Variants in FGD1 observed in about 807,000 individuals in gnomAD.
FGD1 encodes the protein FYVE, RhoGEF and PH domain-containing protein 1.
A neutral mutation model predicts 65.0 loss-of-function variants in FGD1; 12 were observed. The ratio of observed to expected loss-of-function variants is 0.18; its 90% confidence interval spans 0.12 to 0.30. FGD1 has a LOEUF of 0.30. Among genes scored for constraint, FGD1 ranks in the 10% least tolerant of loss-of-function variants. The probability of loss-of-function intolerance (pLI) is 1.00; values close to 1 mark genes in which losing one functional copy is unlikely to be tolerated. For missense variants in FGD1, 542 were observed against 837.6 expected, an observed-to-expected ratio of 0.65 and a Z score of 4.36; for synonymous variants, 333 against 343.9, an observed-to-expected ratio of 0.97 and a Z score of 0.35.
chrX:54,456,382 G>A lies in FGD1; in HGVS notation c.1696-16C>T. 2 of 1,211,702 alleles carry A rather than the reference G, an allele frequency of 1.7e-6. No individual in the cohort carries two copies. Among genetic ancestry groups the A allele is most frequent in the South Asian group, 3.5e-5 (2 of 56,983 alleles). ...GCATTCGCTCCTGGCAAAAGACAGG[G>A]AACAAAAGGCACGGTTGGGGTGCCA... On this transcript the variant is annotated splice_polypyrimidine_tract_variant and intron_variant, in intron 9 of 17. Coordinates refer to ENST00000375135, the MANE Select transcript of FGD1 (RefSeq NM_004463.3).
intron 8 of FGD1, among the ~76,000 whole-genome samples, chrX:54,456,863 C>G (rs763172653): frequency 3.6e-5 from 4 of 110,561 alleles, no homozygotes; most frequent in Non-Finnish European, 7.6e-5. Context: ...GAACTCCTGA[C>G]CTTGTGAACC....
chrX:54,449,108 C>T (rs1488834905), intron 15 of FGD1, 35 bp downstream of exon 15: 1 of 1,211,878 alleles, frequency 8.3e-7, no homozygotes, highest in Non-Finnish European at 1.1e-6. Context: ...CATTCTGTCC[C>T]CTCCCTAGCT....
chrX:54,470,730 G>A lies in FGD1; in HGVS notation c.512C>T (p.Pro171Leu). The A allele has an allele frequency of 1.4e-5, 15 of 1,094,522 alleles. No individual in the cohort carries two copies. Among genetic ancestry groups the A allele is most frequent in the Non-Finnish European group, 1.9e-5 (15 of 808,363 alleles). The allele number at this position is 1,094,522 out of a possible 1,213,427, so 90.2% of individuals were successfully genotyped here. Residue 171 changes from proline to leucine, a missense_variant, in exon 3 of 18, where the codon CCC (proline) becomes CTC (leucine). By Grantham distance (98) the Pro-to-Leu change is moderately conservative (BLOSUM62 -3). Coordinates refer to ENST00000375135, the MANE Select transcript of FGD1 (RefSeq NM_004463.3). ...GGGCTCCAGTGGGGGGGGCATCCGGGGCATCTGCAGGTAGCTGGGCTTTGG... is the reference window on the plus strand; with the variant it reads ...GGGCTCCAGTGGGGGGGGCATCCGGAGCATCTGCAGGTAGCTGGGCTTTGG... ...VPPKPSYLQM[P>L]RMPPPLEPIP...
chrX:54,486,253 ATTT>A lies in FGD1; in HGVS notation c.307+8870_307+8872del, dbSNP rs35938329. ...GGGCATGTGCCACCATACCTGGATGATTTTTTTTTTCTTAGAGACGGAGTCTCG... is the reference window on the plus strand; with the variant it reads ...GGGCATGTGCCACCATACCTGGATGATTTTTTTCTTAGAGACGGAGTCTCG... On this transcript the variant is annotated intron_variant, in intron 1 of 17. Transcript: ENST00000375135. Among the ~76,000 whole-genome samples the A allele has an allele frequency of 3.2e-5, 3 of 94,704 alleles. No individual in the cohort carries two copies. The East Asian group carries it at 1.0e-3, about 32-fold the overall frequency. 82.2% of individuals were successfully genotyped at this position (94,704 alleles called of 115,157 possible). A position where few individuals can be genotyped will look rare whatever the true frequency, so the allele number is the denominator to read the frequency against.
intron 1 of FGD1, among the ~76,000 whole-genome samples, chrX:54,477,355 G>A (rs185759289): frequency 2.3e-3 from 259 of 112,151 alleles, no homozygotes; most frequent in African/African-American, 7.7e-3. Context: ...GGCAACGAGG[G>A]CGAGCCTGTG....
rs529822771 is a variant in FGD1 at position 54,492,615 on chromosome X, A to C, written c.307+2511T>G. Reference sequence around the variant, plus strand: ...CTCACAACCCATGCTGCAGTGAATCACATGGCCCGGCGCCCGCCTAGTCAG... The same window carrying C: ...CTCACAACCCATGCTGCAGTGAATCCCATGGCCCGGCGCCCGCCTAGTCAG... On this transcript the variant is annotated intron_variant, in intron 1 of 17. Coordinates refer to ENST00000375135, the MANE Select transcript of FGD1 (RefSeq NM_004463.3). 1.8e-3 allele frequency among the ~76,000 whole-genome samples: 202 copies of C among 112,412 alleles called. 1 individual carries two copies. The Middle Eastern group carries it at 0.023, about 13-fold the overall frequency.
Position 54,474,070 on chromosome X carries a change from G to A in FGD1, c.308-2583C>T, listed in dbSNP as rs528650702. ...TTATATAAGGGACTTGAGTGTTGGC[G>A]ACTTTGGTATCTTCAGGCTGTCCTG... On this transcript the variant is annotated intron_variant, in intron 1 of 17. Transcript: ENST00000375135. Among the ~76,000 whole-genome samples, 135 of 111,061 alleles carry A rather than the reference G, an allele frequency of 1.2e-3. 1 individual carries two copies. The highest frequency in any genetic ancestry group is 3.8e-4 in the Non-Finnish European group (20 of 53,051).
chrX:54,471,630 G>A, intron 1 of FGD1, 143 bp from the exon 2 acceptor site: 2 of 577,241 alleles, frequency 3.5e-6, no homozygotes, highest in Non-Finnish European at 5.4e-6. Context: ...GTGTTTTTCT[G>A]GGAAGCCCCT....
intron 12 of FGD1, among the ~76,000 whole-genome samples, chrX:54,451,746 G>A (rs1047688602): frequency 9.3e-6 from 1 of 107,148 alleles, no homozygotes; most frequent in Non-Finnish European, 1.9e-5. Context: ...AAAATTGGCC[G>A]GGCGTGGTGG....
In FGD1 at chrX:54,466,593, C is replaced by T. The variant is rs145765510; in HGVS notation, c.1341-741G>A. On this transcript the variant is annotated intron_variant, in intron 6 of 17. Transcript: ENST00000375135. The stretch of plus-strand genomic sequence containing the variant: ...ACCTCAGGACTCAGCTTAGGCATCA[C>T]CTTCTCCCTGAATCCTTCTGTAATC... Among the ~76,000 whole-genome samples the T allele has an allele frequency of 6.8e-3, 763 of 111,548 alleles. 5 individuals are homozygous for T. The highest frequency in any genetic ancestry group is 0.024 in the African/African-American group (727 of 30,735).
chrX:54,476,591 A>T (rs1193915526), intron 1 of FGD1, among the ~76,000 whole-genome samples: 1 of 108,162 alleles, frequency 9.2e-6, no homozygotes, highest in Non-Finnish European at 1.9e-5. Context: ...GCTTCAAGAG[A>T]TCCTCCTGCC....
intron 1 of FGD1, among the ~76,000 whole-genome samples, chrX:54,473,845 G>A (rs968124131): frequency 3.1e-4 from 34 of 110,706 alleles, no homozygotes; most frequent in African/African-American, 1.1e-3. Context: ...TTAGCTGGGT[G>A]TGGTGGTGGA....
intron 12 of FGD1, among the ~76,000 whole-genome samples, chrX:54,451,879 G>A (rs1601949516): frequency 9.2e-6 from 1 of 108,670 alleles, no homozygotes; most frequent in East Asian, 3.0e-4. Flanking sequence ...GGCAACAAGA[G>A]AGAAACTGCG....
intron 8 of FGD1, among the ~76,000 whole-genome samples, chrX:54,456,865 T>C (rs1221908117): frequency 9.1e-6 from 1 of 110,479 alleles, no homozygotes; most frequent in Non-Finnish European, 1.9e-5. Context: ...ACTCCTGACC[T>C]TGTGAACCAC....
Position 54,471,470 on chromosome X carries a change from G to A in FGD1, c.325C>T (p.Arg109Trp). 5.8e-6 allele frequency: 7 copies of A among 1,210,975 alleles called. No individual in the cohort carries two copies. The highest frequency in any genetic ancestry group is 7.8e-6 in the Non-Finnish European group (7 of 895,100). The change falls in exon 2 of 18, where the codon CGG (arginine) becomes TGG (tryptophan). Residue 109 changes from arginine (R) to tryptophan (W), a missense_variant. Physicochemically the swap from Arg to Trp is moderately radical, Grantham distance 101. Around this residue, in one of 6 missense-constraint regions of FGD1, gnomAD observed 297 missense variants for 326.8 expected, o/e 0.91. Transcript: ENST00000375135. Reference sequence around the variant, plus strand: ...AGGGACAAACTTTTAACCAGGATCCGGTTTCCCTGGTGCAGCCCTGCAGGA... The same window carrying A: ...AGGGACAAACTTTTAACCAGGATCCAGTTTCCCTGGTGCAGCCCTGCAGGA... ...QPRPGLHQGN[R>W]ILVKSLSLDP...
At chrX:54,451,683 A>AGCCTAG (rs1922381347) in intron 12 of FGD1, among the ~76,000 whole-genome samples, 1 of 105,604 alleles carries the variant, frequency 9.5e-6, no homozygotes, top group African/African-American at 3.4e-5. Flanking sequence ...CGGCTGGATC[A>AGCCTAG]CCTGAGGTCA....
intron 1 of FGD1, among the ~76,000 whole-genome samples, chrX:54,492,466 C>T (rs7879271): frequency 0.066 from 7,363 of 110,941 alleles, 637 homozygotes; most frequent in African/African-American, 0.23. Context: ...CTCTCTCTTA[C>T]ACACACACCC....
intron 1 of FGD1, among the ~76,000 whole-genome samples, chrX:54,491,238 A>G (rs370461007): frequency 9.8e-5 from 11 of 111,692 alleles, no homozygotes; most frequent in African/African-American, 3.6e-4. Flanking sequence ...ACACCCCTCT[A>G]GAACCCTTCC....
intron 8 of FGD1, among the ~76,000 whole-genome samples, chrX:54,460,635 G>A (rs1922610026): frequency 9.0e-6 from 1 of 111,501 alleles, no homozygotes; most frequent in African/African-American, 3.3e-5. Context: ...CAGCTACTTA[G>A]GAGTCTGAAG....
Sources: gnomAD v4.1 joint callset for allele counts (sites outside exome capture counted in the v4.1 genomes callset) on GRCh38, gnomAD v4.1.1 for gene constraint, gnomAD v4.1.1 regional missense constraint, MANE v1.5 for transcripts, NCBI Gene and HGNC (gene_info 2026-07-23, HGNC 2026-07-21) for gene names.